Variants in SHANK2 observed in about 807,000 individuals in gnomAD.
SHANK2 encodes SH3 and multiple ankyrin repeat domains protein 2.
Under a neutral mutation model 133.7 loss-of-function variants are expected in SHANK2, and 43 were observed. That is an observed-to-expected ratio of 0.32 (90% CI 0.25 to 0.41). The LOEUF is 0.41. SHANK2 is among the 10% of genes least tolerant of loss of function. The pLI is 1.00. For synonymous variants in SHANK2, 1,017 were observed against 952.8 expected, an observed-to-expected ratio of 1.07 and a Z score of -1.24; for missense variants, 1,994 against 2,235.8, an observed-to-expected ratio of 0.89 and a Z score of 2.18.
chr11:70,948,691 T>C (rs1227947703), intron 10 of SHANK2, among the ~76,000 whole-genome samples: 6 of 152,170 alleles, frequency 3.9e-5, no homozygotes, highest in Non-Finnish European at 7.3e-5. Context: ...GTGGGGAGTG[T>C]GGCAGGCTGA....
At chr11:70,752,198 C>T (rs78974399) in intron 14 of SHANK2, among the ~76,000 whole-genome samples, 2 of 152,092 alleles carry the variant, frequency 1.3e-5, no homozygotes, top group Non-Finnish European at 2.9e-5. Context: ...ATCCCTCCCC[C>T]CTTGGCCTCC....
At chr11:70,699,071 G>A (rs1945464418) in intron 14 of SHANK2, among the ~76,000 whole-genome samples, 1 of 152,170 alleles carries the variant, frequency 6.6e-6, no homozygotes, top group Non-Finnish European at 1.5e-5. Context: ...AGATGAGAGG[G>A]CCAGGCCAGC....
At chr11:70,499,466 C>T (rs573219994) in intron 21 of SHANK2, among the ~76,000 whole-genome samples, 20 of 152,316 alleles carry the variant, frequency 1.3e-4, no homozygotes, top group South Asian at 2.1e-4. Flanking sequence ...ACCTGAGTCC[C>T]GAACTGTTCT....
intron 17 of SHANK2, among the ~76,000 whole-genome samples, chr11:70,508,489 G>C (rs564901613): frequency 6.6e-6 from 1 of 152,308 alleles, no homozygotes; most frequent in Admixed American, 6.5e-5. Context: ...TTATATGCTG[G>C]AGTCCTAATC....
intron 17 of SHANK2, among the ~76,000 whole-genome samples, chr11:70,542,577 T>C (rs2059636517): frequency 6.6e-6 from 1 of 152,186 alleles, no homozygotes; most frequent in African/African-American, 2.4e-5. Flanking sequence ...GACACGGCCA[T>C]AGCCTCCTGA....
chr11:71,144,591 G>A (rs1555106363), intron 3 of SHANK2, among the ~76,000 whole-genome samples: 1 of 152,124 alleles, frequency 6.6e-6, no homozygotes, highest in South Asian at 2.1e-4. Flanking sequence ...CCTGACATTT[G>A]GAGGCCTTTT....
intron 2 of SHANK2, among the ~76,000 whole-genome samples, chr11:71,177,623 C>T (rs1953472561): frequency 6.6e-6 from 1 of 152,000 alleles, no homozygotes; most frequent in African/African-American, 2.4e-5. Context: ...AATGATGTAA[C>T]AAAAAGAAAA....
intron 10 of SHANK2, among the ~76,000 whole-genome samples, chr11:70,920,659 C>T (rs571260513): frequency 2.6e-4 from 40 of 152,310 alleles, no homozygotes; most frequent in African/African-American, 5.8e-4. Context: ...ATGTCCCTAA[C>T]GGGGTCTACT....
chr11:70,901,054 C>T (rs140148963), intron 10 of SHANK2, among the ~76,000 whole-genome samples: 21 of 152,128 alleles, frequency 1.4e-4, no homozygotes, highest in Middle Eastern at 3.4e-3. Context: ...TTCCCAGGAG[C>T]GACCTCTTTT....
At chr11:70,561,015 C>A (rs2059903109) in intron 17 of SHANK2, among the ~76,000 whole-genome samples, 1 of 152,102 alleles carries the variant, frequency 6.6e-6, no homozygotes, top group Non-Finnish European at 1.5e-5. Flanking sequence ...AGAGATAGCC[C>A]CACACACACA....
intron 14 of SHANK2, among the ~76,000 whole-genome samples, chr11:70,746,296 G>C (rs1297788239): frequency 6.6e-6 from 1 of 152,090 alleles, no homozygotes; most frequent in South Asian, 2.1e-4. Flanking sequence ...CCTTCAGGGT[G>C]GGGGATGCGG....
chr11:71,190,204 T>C (rs1300731077), intron 2 of SHANK2, among the ~76,000 whole-genome samples: 1 of 152,224 alleles, frequency 6.6e-6, no homozygotes, highest in Non-Finnish European at 1.5e-5. Context: ...CTCGCTCTTA[T>C]CCAAGCTGGC....
At chr11:70,601,426 G>T (rs1463218423) in intron 17 of SHANK2, among the ~76,000 whole-genome samples, 1 of 152,090 alleles carries the variant, frequency 6.6e-6, no homozygotes, top group Non-Finnish European at 1.5e-5. Context: ...CACCATGTTG[G>T]CCAGGATGGT....
At position 70,502,749 on chromosome 11, in the gene SHANK2, C is replaced by G. The variant is rs782063610; in HGVS notation, c.2197+47G>C. On this transcript the variant is annotated intron_variant, in intron 18 of 25. Coordinates refer to ENST00000601538, the MANE Select transcript of SHANK2 (RefSeq NM_012309.5). The stretch of plus-strand genomic sequence containing the variant: ...CTGTCCTGCCCGCCCCCACCCCCCC[C>G]CCCCAGTAGGGCCCCAGGCTGGAGC... The G allele has an allele frequency of 4.2e-6, 5 of 1,200,402 alleles. No individual in the cohort carries two copies. The African/African-American group carries it at 6.4e-5, about 15-fold the overall frequency. The allele number at this position is 1,200,402 out of a possible 1,614,324, so 74.4% of individuals were successfully genotyped here.
chr11:70,585,574 C>G (rs1192239137), intron 17 of SHANK2, among the ~76,000 whole-genome samples: 3 of 151,804 alleles, frequency 2.0e-5, no homozygotes, highest in Non-Finnish European at 4.4e-5. Flanking sequence ...CATCCACCCG[C>G]CCACCCACTC....
intron 10 of SHANK2, among the ~76,000 whole-genome samples, chr11:70,902,602 T>TA (rs1950039381): frequency 6.6e-6 from 1 of 152,220 alleles, no homozygotes; most frequent in Non-Finnish European, 1.5e-5. Context: ...TGAAGTGTGA[T>TA]CTACAGTTCC....
chr11:71,175,230 C>T lies in SHANK2; in HGVS notation c.-12-27892G>A, dbSNP rs181398344. 3.9e-5 allele frequency among the ~76,000 whole-genome samples: 6 copies of T among 152,244 alleles called. No individual in the cohort carries two copies. Among genetic ancestry groups the T allele is most frequent in the Admixed American group, 3.3e-4 (5 of 15,294 alleles). ...CACCTAGTCCAACTCAGCACAAGTA[C>T]GAAGAACCAATAAATGAGCAGTGGC... is the stretch of plus-strand genomic sequence containing the variant. On this transcript the variant is annotated intron_variant, in intron 2 of 25. Coordinates refer to ENST00000601538, the MANE Select transcript of SHANK2 (RefSeq NM_012309.5). The surrounding 1 kb of genome is among the most constrained non-coding windows in gnomAD (Gnocchi z 4.2).
chr11:71,129,354 C>G (rs1952252715), intron 3 of SHANK2, among the ~76,000 whole-genome samples: 1 of 152,188 alleles, frequency 6.6e-6, no homozygotes, highest in African/African-American at 2.4e-5. Context: ...AGTTACAGAG[C>G]TAGGGTTGGC....
At chr11:70,526,024 C>T (rs933462262) in intron 17 of SHANK2, among the ~76,000 whole-genome samples, 1 of 127,904 alleles carries the variant, frequency 7.8e-6, no homozygotes, top group Non-Finnish European at 1.6e-5. Context: ...TCAATTCAGA[C>T]ACAACTGGCC....
Sources: allele counts gnomAD v4.1 joint callset (sites outside exome capture counted in the v4.1 genomes callset), GRCh38; gene constraint gnomAD v4.1.1; non-coding constraint Gnocchi (gnomAD v3.1); transcripts MANE v1.5; gene names NCBI Gene and HGNC (gene_info 2026-07-23, HGNC 2026-07-21).